DZIP3: variants seen among roughly 807,000 people sequenced by gnomAD.
The protein encoded by DZIP3 is E3 ubiquitin-protein ligase DZIP3.
DZIP3 carries 118 observed loss-of-function variants against 162.0 expected under a neutral mutation model. The ratio of observed to expected loss-of-function variants is 0.73; its 90% CI spans 0.63 to 0.85. The LOEUF is 0.85. Among genes scored for constraint, DZIP3 ranks in the 40% least tolerant of loss-of-function variants. The pLI is 0.00. For synonymous variants in DZIP3, 438 were observed against 458.6 expected (o/e 0.96, Z 0.57); for missense variants, 1,331 against 1,407.0 (o/e 0.95, Z 0.86).
chr3:108,631,339 A>T (rs1252739580), intron 8 of DZIP3, among the ~76,000 whole-genome samples: 1 of 151,692 alleles, frequency 6.6e-6, no homozygotes, highest in Non-Finnish European at 1.5e-5. Flanking sequence ...AAAATAATTT[A>T]TCCTTTGTAT....
intron 13 of DZIP3, among the ~76,000 whole-genome samples, chr3:108,642,775 T>C (rs1942458366): frequency 6.6e-6 from 1 of 152,160 alleles, no homozygotes; most frequent in Non-Finnish European, 1.5e-5. Flanking sequence ...TACCGTGGGA[T>C]TGTGTTCCAG....
chr3:108,611,413 A>G, intron 4 of DZIP3, 84 bp downstream of exon 4: 1 of 1,496,318 alleles, frequency 6.7e-7, no homozygotes, highest in Non-Finnish European at 9.0e-7. Context: ...TAAACCACAC[A>G]GTATAGCCAA....
At chr3:108,634,421 C>T (rs751063441) in intron 9 of DZIP3, among the ~76,000 whole-genome samples, 2 of 152,094 alleles carry the variant, frequency 1.3e-5, no homozygotes, top group Non-Finnish European at 2.9e-5. Context: ...TCTATACCCT[C>T]GGATTATGCA....
At chr3:108,684,082 T>C in intron 26 of DZIP3, 134 bp from the exon 27 acceptor site, 2 of 963,498 alleles carry the variant, frequency 2.1e-6, no homozygotes, top group Non-Finnish European at 2.9e-6. Context: ...TTGTTTCTAA[T>C]GTGCTTTGTA....
chr3:108,631,055 A>ACACACACACAAACACTCTCTCT, intron 8 of DZIP3, among the ~76,000 whole-genome samples: 2 of 18,014 alleles, frequency 1.1e-4, no homozygotes, highest in South Asian at 2.3e-3. Flanking sequence ...ACACACACAC[A>ACACACACACAAACACTCTCTCT]CTCTCTCTCT....
chr3:108,603,422 C>T (rs1282329617), intron 1 of DZIP3, among the ~76,000 whole-genome samples: 1 of 150,384 alleles, frequency 6.6e-6, no homozygotes, highest in Non-Finnish European at 1.5e-5. Flanking sequence ...CTCTCTGCTT[C>T]GTTATTAGCT....
rs1943280507 is a variant in DZIP3 at position 108,658,922 on chromosome 3, CCT to C, written c.2200-2953_2200-2952del. Among the ~76,000 whole-genome samples, 3 of 152,072 alleles carry C rather than the reference CCT, an allele frequency of 2.0e-5. No individual in the cohort carries two copies. The South Asian group carries it at 6.2e-4, about 32-fold the overall frequency. On this transcript the variant is annotated intron_variant, in intron 19 of 32. Coordinates refer to ENST00000361582, the MANE Select transcript of DZIP3 (RefSeq NM_014648.4). ...TGGATAAATTCCTCGACATATACAC[CCT>C]CCCAAGACTAAACCAGGAAGAAGTT...
Position 108,642,457 on chromosome 3 carries a change from C to A in DZIP3, c.1084C>A (p.Leu362Met). 6.7e-7 allele frequency: 1 copy of A among 1,482,542 alleles called. No homozygotes were observed. The highest frequency in any genetic ancestry group is 1.2e-5 in the South Asian group (1 of 80,556). The allele number at this position is 1,482,542 out of a possible 1,614,324, so 91.8% of individuals were successfully genotyped here. A position where few individuals can be genotyped will look rare whatever the true frequency, so the allele number is the denominator to read the frequency against. The change falls in exon 13 of 33, where the codon CTG (leucine) becomes ATG (methionine). Residue 362 changes from leucine (L) to methionine (M), a missense_variant. Coordinates refer to ENST00000361582, the MANE Select transcript of DZIP3 (RefSeq NM_014648.4). ...LGASYRKLIS[L>M]KITDTDIRPK... ...TTGCAGTTATAGAAAGTTGATATCT[C>A]TGAAAATAACTGATACTGATATAAG...
intron 19 of DZIP3, among the ~76,000 whole-genome samples, chr3:108,654,704 G>A (rs957430843): frequency 6.6e-6 from 1 of 151,660 alleles, no homozygotes; most frequent in African/African-American, 2.4e-5. Flanking sequence ...AAATATGATT[G>A]TTACCATAAA....
intron 26 of DZIP3, among the ~76,000 whole-genome samples, chr3:108,683,649 A>G (rs925093019): frequency 2.0e-5 from 3 of 152,190 alleles, no homozygotes; most frequent in Non-Finnish European, 4.4e-5. Context: ...ATATCTGCAA[A>G]TCACTATAGC....
chr3:108,637,444 A>G (rs1942206794), intron 11 of DZIP3, 52 bp from the exon 12 acceptor site: 4 of 1,500,328 alleles, frequency 2.7e-6, no homozygotes, highest in Admixed American at 3.5e-5. Flanking sequence ...AACATTAAAC[A>G]TTTTGAAAAT....
intron 1 of DZIP3, among the ~76,000 whole-genome samples, chr3:108,598,959 A>C (rs1186662729): frequency 6.6e-6 from 1 of 152,200 alleles, no homozygotes; most frequent in East Asian, 1.9e-4. Flanking sequence ...GGCACATTCC[A>C]ACTATTCAAA....
At chr3:108,675,565 A>G (rs534749629) in intron 24 of DZIP3, among the ~76,000 whole-genome samples, 1 of 152,138 alleles carries the variant, frequency 6.6e-6, no homozygotes, top group South Asian at 2.1e-4. Context: ...GGAAGCATCA[A>G]TTTTATTTGC....
intron 19 of DZIP3, among the ~76,000 whole-genome samples, chr3:108,661,594 C>T (rs922962125): frequency 6.6e-6 from 1 of 151,906 alleles, no homozygotes; most frequent in African/African-American, 2.4e-5. Context: ...ATGTAACAAA[C>T]CTGCACATTG....
At chr3:108,679,723 C>T (rs1944236245) in intron 26 of DZIP3, among the ~76,000 whole-genome samples, 2 of 152,104 alleles carry the variant, frequency 1.3e-5, no homozygotes, top group South Asian at 4.1e-4. Flanking sequence ...AAAATCAGCT[C>T]TTCTGGACTT....
intron 15 of DZIP3, 35 bp from the exon 16 acceptor site, chr3:108,647,908 A>C (rs1311018864): frequency 1.4e-6 from 2 of 1,449,970 alleles, no homozygotes; most frequent in Admixed American, 2.6e-5. Context: ...AATTGCTTTC[A>C]TCTAGATTTT....
chr3:108,636,160 C>A lies in DZIP3; in HGVS notation c.919-456C>A, dbSNP rs532007222. ...TTTACAATTTCCTTGATTGTAGGGG[C>A]AATTAATATTACTGAATTTTAGAAA... On this transcript the variant is annotated intron_variant, in intron 10 of 32. Coordinates refer to ENST00000361582, the MANE Select transcript of DZIP3 (RefSeq NM_014648.4). Among the ~76,000 whole-genome samples the A allele has an allele frequency of 7.2e-5, 11 of 151,728 alleles. No individual in the cohort carries two copies. In the East Asian group the frequency reaches 2.1e-3, roughly 29 times the overall value.
intron 24 of DZIP3, 50 bp from the exon 25 acceptor site, chr3:108,675,736 A>G: frequency 6.6e-7 from 1 of 1,515,374 alleles, no homozygotes; most frequent in Non-Finnish European, 9.0e-7. Flanking sequence ...TGGAAACCTA[A>G]GTGTTATAAA....
At chr3:108,624,015 T>TTC (rs1376367696) in intron 5 of DZIP3, among the ~76,000 whole-genome samples, 2 of 152,308 alleles carry the variant, frequency 1.3e-5, no homozygotes, top group East Asian at 3.9e-4. Context: ...TATAGGCAAC[T>TTC]TAAGACTGTC....
Sources: allele counts gnomAD v4.1 joint callset (sites outside exome capture counted in the v4.1 genomes callset), GRCh38; gene constraint gnomAD v4.1.1; transcripts MANE v1.5; gene names NCBI Gene and HGNC (gene_info 2026-07-23, HGNC 2026-07-21).